Variants in ST13 observed in about 807,000 individuals in gnomAD.
ST13 encodes the protein ST13 Hsp70 interacting protein, also known as hsc70-interacting protein.
ST13 carries 23 observed loss-of-function variants against 56.7 expected under a neutral mutation model. The observed-to-expected ratio is 0.41, with a 90% CI of 0.29 to 0.57. The LOEUF (loss-of-function observed/expected upper bound fraction) is 0.57, where lower values mean the gene tolerates loss of function less well. Ranked by LOEUF, ST13 falls within the 20% of genes least tolerant of loss-of-function variation. ST13 has a pLI of 0.36. For missense variants in ST13, 369 were observed against 459.9 expected (o/e 0.80, Z 1.81); for synonymous variants, 132 against 142.4 (o/e 0.93, Z 0.52).
rs1229435235 is a variant in ST13 at position 40,827,017 on chromosome 22, G to A, written c.981+79C>T. 2.7e-6 allele frequency: 4 copies of A among 1,474,956 alleles called. No individual in the cohort carries two copies. The East Asian group carries it at 6.9e-5, about 25-fold the overall frequency. The allele number at this position is 1,474,956 out of a possible 1,614,324, so 91.4% of individuals were successfully genotyped here. Reference sequence around the variant, plus strand: ...TGATAAATAAAAAATAGCTATGAGAGTAACCTTTGTCTCCACACAGAATTA... The same window carrying A: ...TGATAAATAAAAAATAGCTATGAGAATAACCTTTGTCTCCACACAGAATTA... On this transcript the variant is annotated intron_variant, in intron 11 of 11. Coordinates refer to ENST00000216218, the MANE Select transcript of ST13 (RefSeq NM_003932.5).
chr22:40,856,593 A>T lies in ST13; in HGVS notation c.-53T>A, dbSNP rs2057898655. On this transcript the variant is annotated 5_prime_UTR_variant, in exon 1 of 12. Coordinates refer to ENST00000216218, the MANE Select transcript of ST13 (RefSeq NM_003932.5). Reference sequence around the variant, plus strand: ...GGGGCTACGGCCCGGTTCCAGGCCCAGGCGCTGGCTCGGCGTGACCGCGCA... The same window carrying T: ...GGGGCTACGGCCCGGTTCCAGGCCCTGGCGCTGGCTCGGCGTGACCGCGCA... The T allele has an allele frequency of 6.7e-7, 1 of 1,494,122 alleles. No homozygotes were observed. Among genetic ancestry groups the T allele is most frequent in the Non-Finnish European group, 9.3e-7 (1 of 1,074,572 alleles). The allele number at this position is 1,494,122 out of a possible 1,614,324, so 92.6% of individuals were successfully genotyped here.
At chr22:40,849,747 A>G (rs931734178) in intron 2 of ST13, among the ~76,000 whole-genome samples, 1 of 151,828 alleles carries the variant, frequency 6.6e-6, no homozygotes, top group Non-Finnish European at 1.5e-5. Flanking sequence ...TGGTCCTTTT[A>G]AAAAAAAGGT....
intron 2 of ST13, among the ~76,000 whole-genome samples, chr22:40,850,002 C>T (rs1250176322): frequency 6.6e-6 from 1 of 151,682 alleles, no homozygotes; most frequent in African/African-American, 2.4e-5. Context: ...TGGTGGCTCA[C>T]GCCTTAGTCC....
chr22:40,848,268 A>ATACAAACTAT, intron 3 of ST13, 26 bp downstream of exon 3: 1 of 1,571,222 alleles, frequency 6.4e-7, no homozygotes, highest in African/African-American at 1.3e-5. Context: ...AGGTTTTCAA[A>ATACAAACTAT]TACAAACTAA....
At chr22:40,853,045 A>G (rs2057869718) in intron 1 of ST13, among the ~76,000 whole-genome samples, 1 of 152,220 alleles carries the variant, frequency 6.6e-6, no homozygotes, top group African/African-American at 2.4e-5. Context: ...AGTCTATAAA[A>G]TAACTTGCCA....
At chr22:40,834,070 A>T (rs2057766323) in intron 7 of ST13, among the ~76,000 whole-genome samples, 1 of 152,148 alleles carries the variant, frequency 6.6e-6, no homozygotes, top group Non-Finnish European at 1.5e-5. Context: ...TGAGGCCAGG[A>T]GTTTGAGAAT....
chr22:40,829,741 C>T, intron 9 of ST13, 67 bp from the exon 10 acceptor site: 3 of 788,062 alleles, frequency 3.8e-6, no homozygotes, highest in East Asian at 6.4e-5. Context: ...GCAACCTGTC[C>T]ATGCAAGACC....
intron 11 of ST13, 147 bp downstream of exon 11, chr22:40,826,949 G>T: frequency 3.0e-6 from 3 of 1,001,246 alleles, no homozygotes; most frequent in Non-Finnish European, 4.3e-6. Context: ...TCTGCATAAA[G>T]AAAATAAATG....
At chr22:40,836,843 T>A (rs548461768) in intron 5 of ST13, among the ~76,000 whole-genome samples, 1 of 145,902 alleles carries the variant, frequency 6.9e-6, no homozygotes, top group African/African-American at 2.8e-5. Context: ...AAATACAGAA[T>A]TTTTTTTAAG....
chr22:40,844,123 T>A (rs1309583583), intron 4 of ST13, among the ~76,000 whole-genome samples: 3 of 152,002 alleles, frequency 2.0e-5, no homozygotes, highest in Admixed American at 2.0e-4. Context: ...CCTTAGATGA[T>A]CCACCCACCT....
chr22:40,831,814 T>A (rs2057755112), intron 8 of ST13, among the ~76,000 whole-genome samples: 1 of 152,202 alleles, frequency 6.6e-6, no homozygotes, highest in Admixed American at 6.5e-5. Context: ...GCTGGAATGT[T>A]CTACTTTTGG....
chr22:40,841,326 T>G (rs1199833598), intron 4 of ST13, among the ~76,000 whole-genome samples: 1 of 151,954 alleles, frequency 6.6e-6, no homozygotes, highest in Non-Finnish European at 1.5e-5. Flanking sequence ...GTCTTGATTG[T>G]GTCACTGTAC....
intron 10 of ST13, among the ~76,000 whole-genome samples, chr22:40,827,885 A>G (rs2057736267): frequency 6.6e-6 from 1 of 152,144 alleles, no homozygotes; most frequent in African/African-American, 2.4e-5. Flanking sequence ...TCCTTAGATA[A>G]TTATAAATTG....
rs1370399020 is a variant in ST13, at chr22:40,850,838, T to C, written c.153A>G (p.Ser51=). The stretch of plus-strand genomic sequence containing the variant: ...TAAAACTTACCTTGGTATTTTCTTC[T>C]GATTTAGCTTTCTGAGTAGCAGGTG... The part of the protein sequence containing the change: ...KVPPATQKAK[S]EENTKEEKPD... The change falls in exon 2 of 12, where the codon TCA becomes TCG. Residue 51 remains serine, a synonymous_variant. Transcript: ENST00000216218. 2 of 1,605,388 alleles carry C rather than the reference T, an allele frequency of 1.2e-6. No individual in the cohort carries two copies. Among genetic ancestry groups the C allele is most frequent in the Non-Finnish European group, 1.7e-6 (2 of 1,176,634 alleles).
chr22:40,854,781 T>G (rs2057880674), intron 1 of ST13, among the ~76,000 whole-genome samples: 1 of 152,216 alleles, frequency 6.6e-6, no homozygotes, highest in Non-Finnish European at 1.5e-5. Context: ...GCAGGTTCTT[T>G]CCTATAATTA....
chr22:40,852,214 C>T (rs750854061), intron 1 of ST13, among the ~76,000 whole-genome samples: 2 of 152,236 alleles, frequency 1.3e-5, no homozygotes, highest in Non-Finnish European at 2.9e-5. Context: ...AATTGTTTCA[C>T]GCCTTGGCCA....
intron 4 of ST13, among the ~76,000 whole-genome samples, chr22:40,842,538 G>A (rs2057809463): frequency 6.6e-6 from 1 of 152,126 alleles, no homozygotes; most frequent in South Asian, 2.1e-4. Flanking sequence ...AACAGACAAA[G>A]CATAGACTGC....
intron 2 of ST13, among the ~76,000 whole-genome samples, chr22:40,849,331 A>AG (rs1389494863): frequency 3.3e-5 from 5 of 151,976 alleles, no homozygotes; most frequent in Non-Finnish European, 7.4e-5. Context: ...CAAAAAAATT[A>AG]GCCGGACGTG....
chr22:40,840,731 A>G, intron 4 of ST13, 39 bp from the exon 5 acceptor site: 1 of 1,554,616 alleles, frequency 6.4e-7, no homozygotes, highest in Non-Finnish European at 8.8e-7. Context: ...ATTAGTAGAG[A>G]GAGAGAGAAG....
Sources: allele counts gnomAD v4.1 joint callset (sites outside exome capture counted in the v4.1 genomes callset), GRCh38; gene constraint gnomAD v4.1.1; transcripts MANE v1.5; gene names NCBI Gene and HGNC (gene_info 2026-07-23, HGNC 2026-07-21).